Variants in TERT observed in about 807,000 individuals in gnomAD.
TERT encodes the protein telomerase reverse transcriptase, also known as telomerase catalytic subunit.
In TERT, 42 loss-of-function variants were observed where a neutral mutation model predicts 104.0. The observed-to-expected ratio is 0.40, with a 90% CI of 0.32 to 0.52. TERT has a LOEUF of 0.52. Ranked by LOEUF, TERT falls within the 20% of genes least tolerant of loss-of-function variation. The pLI is 0.43. For synonymous variants in TERT, 781 were observed against 725.6 expected (o/e 1.08, Z -1.23); for missense variants, 1,101 against 1,610.3 (o/e 0.68, Z 5.41).
Position 1,266,483 on chromosome 5 carries a change from G to C in TERT, c.2635C>G (p.His879Asp). Reference protein sequence around the residue: ...DFLLVTPHLTHAKTFLRTLVR... With the variant: ...DFLLVTPHLTDAKTFLRTLVR... ...CCTCACCTGAGGAAGGTTTTCGCGT[G>C]GGTGAGGTGAGGTGTCACCAACAAG... Residue 879 changes from histidine to aspartate, a missense_variant, in exon 10 of 16, where the codon CAC (histidine) becomes GAC (aspartate). His to Asp is a moderately conservative substitution (Grantham distance 81). Around this residue, in one of 5 missense-constraint regions of TERT, gnomAD observed 463 missense variants for 797.5 expected, o/e 0.58. Coordinates refer to ENST00000310581, the MANE Select transcript of TERT (RefSeq NM_198253.3). 1.2e-6 allele frequency: 2 copies of C among 1,609,980 alleles called. No homozygotes were observed. The highest frequency in any genetic ancestry group is 1.7e-6 in the Non-Finnish European group (2 of 1,178,200).
chr5:1,292,266 G>A lies in TERT; in HGVS notation c.1573+1047C>T, dbSNP rs894983843. Among the ~76,000 whole-genome samples the A allele has an allele frequency of 4.6e-5, 7 of 152,092 alleles. No individual in the cohort carries two copies. The highest frequency in any genetic ancestry group is 1.4e-4 in the African/African-American group (6 of 41,392). Reference sequence around the variant, plus strand: ...GCCACGGTAGGGCCTGGGAGCACTGGGAGCCAAAAGGGGGCTGGAGCGGAG... The same window carrying A: ...GCCACGGTAGGGCCTGGGAGCACTGAGAGCCAAAAGGGGGCTGGAGCGGAG... On this transcript the variant is annotated intron_variant, in intron 2 of 15. Transcript: ENST00000310581. This position sits in a 1 kb window ranked among gnomAD's most constrained non-coding sequence, Gnocchi z 5.5.
At chr5:1,291,225 C>G (rs1199991271) in intron 2 of TERT, among the ~76,000 whole-genome samples, 9 of 114,028 alleles carry the variant, frequency 7.9e-5, no homozygotes, top group East Asian at 2.8e-4. Flanking sequence ...CACCTGGGGC[C>G]GCGCCTCACT....
At position 1,279,390 on chromosome 5, in the gene TERT, G is replaced by A. The variant is rs33956095; in HGVS notation, c.2031C>T (p.Gly677=). The A allele has an allele frequency of 0.011, 17,575 of 1,557,728 alleles. 158 individuals carry two copies. Among genetic ancestry groups the A allele is most frequent in the African/African-American group, 0.048 (3,524 of 73,456 alleles). The stretch of plus-strand genomic sequence containing the variant: ...TATCGTCCAGGCCCAGCACAGAGGC[G>A]CCCAGGAGGCCGGGGCGCCGCGCCC... The part of the protein sequence containing the change: ...YERARRPGLL[G]ASVLGLDDIH... The change falls in exon 5 of 16, where the codon GGC becomes GGT. Residue 677 remains glycine (G), a synonymous_variant. Coordinates refer to ENST00000310581, the MANE Select transcript of TERT (RefSeq NM_198253.3).
rs34002187 is a variant in TERT at position 1,270,762 on chromosome 5, G to A, written c.2468+357C>T. On this transcript the variant is annotated intron_variant, in intron 8 of 15. Coordinates refer to ENST00000310581, the MANE Select transcript of TERT (RefSeq NM_198253.3). The surrounding 1 kb of genome is among the most constrained non-coding windows in gnomAD (Gnocchi z 8.3). ...AGATACAAGCGTGTGAGAGCCGGGTGTCCAGCGTCAGTAGTAACTTGGAGC... is the reference window on the plus strand; with the variant it reads ...AGATACAAGCGTGTGAGAGCCGGGTATCCAGCGTCAGTAGTAACTTGGAGC... Among the ~76,000 whole-genome samples, 2,336 of 152,348 alleles carry A rather than the reference G, an allele frequency of 0.015. 72 individuals carry two copies. Among genetic ancestry groups the A allele is most frequent in the African/African-American group, 0.054 (2,249 of 41,576 alleles).
At chr5:1,258,503 A>C (rs1195033154) in intron 13 of TERT, 95 bp downstream of exon 13, 2 of 1,156,292 alleles carry the variant, frequency 1.7e-6, no homozygotes, top group Non-Finnish European at 2.5e-6. Context: ...TTGCCCCTAA[A>C]ACCCAGGAGT....
At position 1,288,018 on chromosome 5, in the gene TERT, G is replaced by A. The variant is rs990104689; in HGVS notation, c.1573+5295C>T. On this transcript the variant is annotated intron_variant, in intron 2 of 15. Transcript: ENST00000310581. This position sits in a 1 kb window ranked among gnomAD's most constrained non-coding sequence, Gnocchi z 5.3. ...AAAATGATAACTTAAAATACTCTAC[G>A]TATCTTGATACTCTACATATCTTGA... 6.6e-5 allele frequency among the ~76,000 whole-genome samples: 10 copies of A among 151,984 alleles called. No individual in the cohort carries two copies. Among genetic ancestry groups the A allele is most frequent in the Admixed American group, 2.0e-4 (3 of 15,220 alleles).
In TERT at chr5:1,292,053, A is replaced by G. The variant is rs1751026827; in HGVS notation, c.1573+1260T>C. ...TGCTGTAAACACCGCCGAGTTAGCA[A>G]TTCTGCACTGTACACAGAAAACGGT... On this transcript the variant is annotated intron_variant, in intron 2 of 15. Coordinates refer to ENST00000310581, the MANE Select transcript of TERT (RefSeq NM_198253.3). The surrounding 1 kb of genome is among the most constrained non-coding windows in gnomAD (Gnocchi z 5.5). Among the ~76,000 whole-genome samples, 2 of 152,150 alleles carry G rather than the reference A, an allele frequency of 1.3e-5. No individual in the cohort carries two copies. The highest frequency in any genetic ancestry group is 4.8e-5 in the African/African-American group (2 of 41,434).
chr5:1,259,136 AGATGCCCACAGGAGAGGGAGTGGACGCG>A (rs1747985013), intron 12 of TERT, among the ~76,000 whole-genome samples: 1 of 140,746 alleles, frequency 7.1e-6, no homozygotes, highest in African/African-American at 2.7e-5. Flanking sequence ...GAGTGGATGC[AGATGCCCACAGGAGAGGGAGTGGACGCG>A]GATGCCCACA....
intron 15 of TERT, 148 bp from the exon 16 acceptor site, chr5:1,253,979 C>G: frequency 2.2e-6 from 2 of 904,900 alleles, no homozygotes; most frequent in Non-Finnish European, 1.8e-6. Context: ...AGACACCCCT[C>G]CACCGGGGCG....
chr5:1,259,949 G>A (rs947074490), intron 12 of TERT, among the ~76,000 whole-genome samples: 3 of 149,806 alleles, frequency 2.0e-5, no homozygotes, highest in Non-Finnish European at 4.5e-5. Flanking sequence ...GGGTGTGGAC[G>A]CCCACAGGAG....
At position 1,292,887 on chromosome 5, in the gene TERT, C is replaced by T. The variant is rs913210072; in HGVS notation, c.1573+426G>A. Among the ~76,000 whole-genome samples the T allele has an allele frequency of 5.3e-5, 8 of 152,222 alleles. No individual in the cohort carries two copies. The highest frequency in any genetic ancestry group is 8.8e-5 in the Non-Finnish European group (6 of 68,038). ...CGTGCACCTGCAAAACCCTTACCTC[C>T]CACCCCCAGGAAGAGGGGGTTCTCG... is the stretch of plus-strand genomic sequence containing the variant. On this transcript the variant is annotated intron_variant, in intron 2 of 15. Coordinates refer to ENST00000310581, the MANE Select transcript of TERT (RefSeq NM_198253.3). This position sits in a 1 kb window ranked among gnomAD's most constrained non-coding sequence, Gnocchi z 5.5.
chr5:1,266,948 C>T (rs1229867924), intron 9 of TERT, among the ~76,000 whole-genome samples: 1 of 152,184 alleles, frequency 6.6e-6, no homozygotes, highest in Non-Finnish European at 1.5e-5. Context: ...AGACCCAGAT[C>T]CTATCCACAG....
At position 1,270,673 on chromosome 5, in the gene TERT, G is replaced by A. The variant is rs1434443857; in HGVS notation, c.2468+446C>T. Among the ~76,000 whole-genome samples, 6 of 152,334 alleles carry A rather than the reference G, an allele frequency of 3.9e-5. No individual in the cohort carries two copies. In the East Asian group the frequency reaches 5.8e-4, roughly 15 times the overall value. ...CACAGAGAGAAGAGCCCGCGCCCTCGCGGGGGTCACACGACAGGGACAGGA... is the reference window on the plus strand; with the variant it reads ...CACAGAGAGAAGAGCCCGCGCCCTCACGGGGGTCACACGACAGGGACAGGA... On this transcript the variant is annotated intron_variant, in intron 8 of 15. Transcript: ENST00000310581. This position sits in a 1 kb window ranked among gnomAD's most constrained non-coding sequence, Gnocchi z 8.3.
At chr5:1,276,048 C>A in intron 6 of TERT, among the ~76,000 whole-genome samples, 1 of 147,858 alleles carries the variant, frequency 6.8e-6, no homozygotes, top group Non-Finnish European at 1.5e-5. Context: ...CCCCACCTAC[C>A]CCACACATGA....
rs1226765553 is a variant in TERT, at chr5:1,286,750, C to CAT, written c.1574-4127_1574-4126insAT. Among the ~76,000 whole-genome samples the CAT allele has an allele frequency of 2.0e-5, 3 of 151,878 alleles. No homozygotes were observed. The highest frequency in any genetic ancestry group is 4.4e-5 in the Non-Finnish European group (3 of 67,976). ...AAAATTAGCCAGGCGTGGTGGTGGG[C>CAT]GCCTGTAATCCCAGCTACTCATGAG... On this transcript the variant is annotated intron_variant, in intron 2 of 15. Coordinates refer to ENST00000310581, the MANE Select transcript of TERT (RefSeq NM_198253.3). The surrounding 1 kb of genome is among the most constrained non-coding windows in gnomAD (Gnocchi z 5.3).
Position 1,274,529 on chromosome 5 carries a change from A to G in TERT, c.2287-2249T>C, listed in dbSNP as rs1158818812. Among the ~76,000 whole-genome samples, 1 of 152,208 alleles carries G rather than the reference A, an allele frequency of 6.6e-6. No homozygotes were observed. Among genetic ancestry groups the G allele is most frequent in the Non-Finnish European group, 1.5e-5 (1 of 68,036 alleles). On this transcript the variant is annotated intron_variant, in intron 6 of 15. Coordinates refer to ENST00000310581, the MANE Select transcript of TERT (RefSeq NM_198253.3). This position sits in a 1 kb window ranked among gnomAD's most constrained non-coding sequence, Gnocchi z 5.3. Reference sequence around the variant, plus strand: ...GATGGTTTTGGGAGCAAACGGTTCCACCTCAGATCATCAGGCATTAGATTC... The same window carrying G: ...GATGGTTTTGGGAGCAAACGGTTCCGCCTCAGATCATCAGGCATTAGATTC...
intron 14 of TERT, among the ~76,000 whole-genome samples, chr5:1,254,932 G>C (rs1747607903): frequency 6.6e-6 from 1 of 152,150 alleles, no homozygotes; most frequent in Non-Finnish European, 1.5e-5. Context: ...TTTGCACAAG[G>C]GCCCTAAGTG....
At chr5:1,281,603 G>C (rs924150779) in intron 3 of TERT, among the ~76,000 whole-genome samples, 1 of 152,160 alleles carries the variant, frequency 6.6e-6, no homozygotes, top group African/African-American at 2.4e-5. Flanking sequence ...CTCATCAGCC[G>C]AACATTGCAG....
rs199422305 is a variant in TERT at position 1,260,509 on chromosome 5, G to A, written c.2935C>T (p.Arg979Trp). The change falls in exon 12 of 16, where the codon CGG becomes TGG. Residue 979 changes from arginine (R) to tryptophan (W), a missense_variant. Physicochemically the swap from Arg to Trp is moderately radical, Grantham distance 101. Transcript: ENST00000310581. Reference protein sequence around the residue: ...NMRRKLFGVLRLKCHSLFLDL... With the variant: ...NMRRKLFGVLWLKCHSLFLDL... ...AGAAACAGGCTGTGACACTTCAGCC[G>A]CAAGACCCCAAAGAGTTTGCGACGC... The A allele has an allele frequency of 2.5e-6, 4 of 1,614,154 alleles. No individual in the cohort carries two copies. The highest frequency in any genetic ancestry group is 3.4e-6 in the Non-Finnish European group (4 of 1,180,016).
Sources: gnomAD v4.1 joint callset for allele counts (sites outside exome capture counted in the v4.1 genomes callset) on GRCh38, gnomAD v4.1.1 for gene constraint, gnomAD v4.1.1 regional missense constraint, Gnocchi (gnomAD v3.1) non-coding constraint, MANE v1.5 for transcripts, NCBI Gene and HGNC (gene_info 2026-07-23, HGNC 2026-07-21) for gene names.